CREB5: variants seen among roughly 807,000 people sequenced by gnomAD.
The protein encoded by CREB5 is cAMP responsive element binding protein 5.
CREB5 carries 19 observed loss-of-function variants against 57.1 expected under a neutral mutation model. The ratio of observed to expected loss-of-function variants is 0.33; its 90% confidence interval spans 0.23 to 0.49. The LOEUF (loss-of-function observed/expected upper bound fraction) is 0.49. Among genes scored for constraint, CREB5 ranks in the 20% least tolerant of loss-of-function variants. CREB5 has a pLI of 0.99. For synonymous variants in CREB5, 238 were observed against 238.3 expected (o/e 1.00, Z 0.01); for missense variants, 579 against 671.6 (o/e 0.86, Z 1.52).
At chr7:28,381,552 AAGTT>A (rs371924647) in intron 1 of CREB5, among the ~76,000 whole-genome samples, 11 of 152,362 alleles carry the variant, frequency 7.2e-5, no homozygotes, top group African/African-American at 2.6e-4. Context: ...TTTCAAATGC[AAGTT>A]ATTTCTTTGC....
chr7:28,618,373 C>T (rs1009290381), intron 5 of CREB5, among the ~76,000 whole-genome samples: 3 of 152,144 alleles, frequency 2.0e-5, no homozygotes, highest in Non-Finnish European at 4.4e-5. Flanking sequence ...CTGATCCTTT[C>T]AGAAATGACA....
At chr7:28,487,479 A>C (rs1791613567) in intron 1 of CREB5, among the ~76,000 whole-genome samples, 1 of 152,196 alleles carries the variant, frequency 6.6e-6, no homozygotes, top group Admixed American at 6.5e-5. Context: ...CAGCTTATAA[A>C]GCCAAATTAA....
chr7:28,766,826 A>T (rs768392202), intron 7 of CREB5, among the ~76,000 whole-genome samples: 3 of 152,212 alleles, frequency 2.0e-5, no homozygotes, highest in Non-Finnish European at 4.4e-5. Context: ...ACTAGTATCC[A>T]CGGGAAAAGG....
At chr7:28,642,965 C>T (rs1238680222) in intron 5 of CREB5, among the ~76,000 whole-genome samples, 5 of 75,662 alleles carry the variant, frequency 6.6e-5, no homozygotes, top group South Asian at 4.4e-4. Context: ...CACACACACA[C>T]ACACACACAC....
intron 1 of CREB5, among the ~76,000 whole-genome samples, chr7:28,335,571 T>A (rs984211559): frequency 2.0e-5 from 3 of 152,094 alleles, no homozygotes; most frequent in African/African-American, 7.2e-5. Context: ...TTACTGAATT[T>A]GTCACTTCTA....
At chr7:28,598,205 C>T (rs552961099) in intron 5 of CREB5, among the ~76,000 whole-genome samples, 6 of 152,272 alleles carry the variant, frequency 3.9e-5, no homozygotes, top group African/African-American at 1.4e-4. Flanking sequence ...CTCACGAGAT[C>T]TGATGGGTTT....
At chr7:28,649,605 T>G (rs1411514273) in intron 5 of CREB5, among the ~76,000 whole-genome samples, 1 of 152,228 alleles carries the variant, frequency 6.6e-6, no homozygotes, top group Non-Finnish European at 1.5e-5. Flanking sequence ...CCGCTTGGAA[T>G]GTATTTGATT....
At chr7:28,389,342 C>G (rs1787168291) in intron 1 of CREB5, among the ~76,000 whole-genome samples, 1 of 152,040 alleles carries the variant, frequency 6.6e-6, no homozygotes, top group African/African-American at 2.4e-5. Flanking sequence ...TTCAATTGAC[C>G]TCTCTCAAAT....
chr7:28,711,125 G>A (rs1802380407), intron 5 of CREB5, among the ~76,000 whole-genome samples: 1 of 152,196 alleles, frequency 6.6e-6, no homozygotes, highest in Non-Finnish European at 1.5e-5. Context: ...GTGTCACAGG[G>A]AGGTGGGCTT....
chr7:28,379,978 C>T (rs907183754), intron 1 of CREB5, among the ~76,000 whole-genome samples: 4 of 152,212 alleles, frequency 2.6e-5, no homozygotes, highest in African/African-American at 9.6e-5. Context: ...CAGCCTCAAA[C>T]TGGGCTCAGG....
At chr7:28,587,522 A>G (rs1317206548) in intron 5 of CREB5, among the ~76,000 whole-genome samples, 1 of 141,482 alleles carries the variant, frequency 7.1e-6, no homozygotes, top group Non-Finnish European at 1.5e-5. Context: ...ATTTTGTAAA[A>G]CTAAGCAGAC....
intron 1 of CREB5, among the ~76,000 whole-genome samples, chr7:28,402,154 G>C (rs1211979604): frequency 6.6e-6 from 1 of 152,162 alleles, no homozygotes; most frequent in African/African-American, 2.4e-5. Context: ...GCATTTCTCT[G>C]ATGGCCAGTG....
Position 28,560,863 on chromosome 7 carries a change from TGCCTGCGTGCGCGTGC to T in CREB5, c.292-9500_292-9485del, listed in dbSNP as rs1562797310. ...GTGTGTGCGCGTGTGTGTGTGCGTG[TGCCTGCGTGCGCGTGC>T]GTGCGTGCGTGTGTGTGCGTGCGCG... is the stretch of plus-strand genomic sequence containing the variant. On this transcript the variant is annotated intron_variant, in intron 4 of 10. Transcript: ENST00000357727. Among the ~76,000 whole-genome samples, 13 of 24,238 alleles carry T rather than the reference TGCCTGCGTGCGCGTGC, an allele frequency of 5.4e-4. 1 individual carries two copies. The highest frequency in any genetic ancestry group is 1.4e-3 in the Admixed American group (3 of 2,194). The allele number at this position is 24,238 out of a possible 152,430, so 15.9% of individuals were successfully genotyped here. A position where few individuals can be genotyped will look rare whatever the true frequency, so the allele number is the denominator to read the frequency against.
intron 1 of CREB5, among the ~76,000 whole-genome samples, chr7:28,397,164 G>GA (rs963630014): frequency 1.3e-5 from 2 of 151,946 alleles, no homozygotes; most frequent in Non-Finnish European, 1.5e-5. Flanking sequence ...CACATGGATT[G>GA]AAAAAAAAGA....
At chr7:28,302,190 C>A (rs1300635544) in intron 1 of CREB5, among the ~76,000 whole-genome samples, 1 of 152,080 alleles carries the variant, frequency 6.6e-6, no homozygotes, top group African/African-American at 2.4e-5. Flanking sequence ...TATTAATTCT[C>A]TAATTTTAAA....
chr7:28,433,968 G>T (rs1299262314), intron 1 of CREB5, among the ~76,000 whole-genome samples: 1 of 151,974 alleles, frequency 6.6e-6, no homozygotes, highest in Non-Finnish European at 1.5e-5. Context: ...GCCTGCCAAG[G>T]AAACCACAGT....
chr7:28,325,348 G>A (rs1229229282), intron 1 of CREB5, among the ~76,000 whole-genome samples: 3 of 152,150 alleles, frequency 2.0e-5, no homozygotes, highest in East Asian at 3.9e-4. Flanking sequence ...CCAGCTACTC[G>A]GGAGGCTGAG....
chr7:28,531,437 G>T (rs1030593404), intron 4 of CREB5, among the ~76,000 whole-genome samples: 1 of 152,080 alleles, frequency 6.6e-6, no homozygotes, highest in Admixed American at 6.6e-5. Flanking sequence ...TGTTCATATG[G>T]TGTTCATCCT....
At chr7:28,809,510 C>A in intron 9 of CREB5, 96 bp downstream of exon 9, 1 of 1,117,944 alleles carries the variant, frequency 8.9e-7, no homozygotes. Context: ...AGCAGTGATA[C>A]CACACACTTA....
Sources: allele counts gnomAD v4.1 joint callset (sites outside exome capture counted in the v4.1 genomes callset), GRCh38; gene constraint gnomAD v4.1.1; transcripts MANE v1.5; gene names NCBI Gene and HGNC (gene_info 2026-07-23, HGNC 2026-07-21).